Variants in INPP4A observed in about 807,000 individuals in gnomAD.
INPP4A encodes inositol polyphosphate-4-phosphatase type I A.
In INPP4A, 33 loss-of-function variants were observed where a neutral mutation model predicts 119.8. That is an observed-to-expected ratio of 0.28 (90% CI 0.21 to 0.37). The LOEUF is 0.37. Among genes scored for constraint, INPP4A ranks in the 10% least tolerant of loss-of-function variants. INPP4A has a pLI of 1.00. For missense variants in INPP4A, 956 were observed against 1,289.9 expected (o/e 0.74, Z 3.97); for synonymous variants, 496 against 500.7 (o/e 0.99, Z 0.12).
At chr2:98,531,688 A>G (rs969808273) in intron 4 of INPP4A, among the ~76,000 whole-genome samples, 1 of 152,216 alleles carries the variant, frequency 6.6e-6, no homozygotes, top group African/African-American at 2.4e-5. Flanking sequence ...TAGGCACAAT[A>G]TATTTAAAGG....
chr2:98,497,614 G>C (rs1471046812), intron 1 of INPP4A, among the ~76,000 whole-genome samples: 1 of 152,220 alleles, frequency 6.6e-6, no homozygotes, highest in African/African-American at 2.4e-5. Flanking sequence ...TTCTGCAGTT[G>C]AGTTGTTTGA....
intron 1 of INPP4A, among the ~76,000 whole-genome samples, chr2:98,459,450 G>A (rs114042289): frequency 3.3e-4 from 50 of 152,360 alleles, no homozygotes; most frequent in African/African-American, 1.2e-3. Flanking sequence ...ACCTGTGTCC[G>A]TGTTTGGGAG....
In INPP4A at chr2:98,559,416, T is replaced by C. The variant is rs186113916; in HGVS notation, c.1823-47T>C. 602 of 1,611,304 alleles carry C rather than the reference T, an allele frequency of 3.7e-4. 7 individuals carry two copies. In the East Asian group the frequency reaches 0.012, roughly 32 times the overall value. On this transcript the variant is annotated intron_variant, in intron 16 of 24. Coordinates refer to ENST00000409851, the MANE Select transcript of INPP4A (RefSeq NM_001134225.2). ...TGAGATTGAGTTGCTTGGTTTGAAC[T>C]GTGTGCTGCTCCTTAATCATCCATG...
intron 4 of INPP4A, among the ~76,000 whole-genome samples, chr2:98,522,312 G>T (rs1176181144): frequency 6.8e-6 from 1 of 147,278 alleles, no homozygotes; most frequent in African/African-American, 2.5e-5. Context: ...AAGAAAGAAA[G>T]AAATTATAAT....
chr2:98,545,182 G>A (rs1692253089), intron 11 of INPP4A, among the ~76,000 whole-genome samples: 1 of 152,142 alleles, frequency 6.6e-6, no homozygotes, highest in Non-Finnish European at 1.5e-5. Flanking sequence ...ACAGTAGCTG[G>A]TCTGTGATTC....
At chr2:98,453,410 T>TGGGAAG (rs1695556986) in intron 1 of INPP4A, among the ~76,000 whole-genome samples, 1 of 152,242 alleles carries the variant, frequency 6.6e-6, no homozygotes, top group Non-Finnish European at 1.5e-5. Flanking sequence ...CCAAGTACGT[T>TGGGAAG]TCCTATGGGA....
At chr2:98,479,110 G>T (rs997508208) in intron 1 of INPP4A, among the ~76,000 whole-genome samples, 6 of 152,132 alleles carry the variant, frequency 3.9e-5, no homozygotes, top group African/African-American at 1.2e-4. Context: ...CACACTTCCA[G>T]TTGCCCTAGA....
At chr2:98,467,307 C>T (rs985082581) in intron 1 of INPP4A, among the ~76,000 whole-genome samples, 1 of 152,208 alleles carries the variant, frequency 6.6e-6, no homozygotes, top group African/African-American at 2.4e-5. Context: ...TTCTGACATT[C>T]GGGATTAAAT....
At chr2:98,544,048 C>G in intron 11 of INPP4A, 41 bp downstream of exon 11, 5 of 1,288,848 alleles carry the variant, frequency 3.9e-6, no homozygotes, top group Non-Finnish European at 4.1e-6. Flanking sequence ...CGCGTGCGCA[C>G]ACACACACAC....
chr2:98,480,932 G>T (rs1678305316), intron 1 of INPP4A, among the ~76,000 whole-genome samples: 1 of 152,210 alleles, frequency 6.6e-6, no homozygotes, highest in African/African-American at 2.4e-5. Context: ...CCCCAGGAAG[G>T]AGTTGTGGTG....
chr2:98,510,175 G>C (rs747685636), intron 1 of INPP4A, among the ~76,000 whole-genome samples: 1 of 152,202 alleles, frequency 6.6e-6, no homozygotes, highest in Non-Finnish European at 1.5e-5. Flanking sequence ...AGTTGAAGTC[G>C]TACTTGTGGG....
chr2:98,520,597 G>C (rs1228624313), intron 3 of INPP4A, 90 bp from the exon 4 acceptor site: 1 of 780,320 alleles, frequency 1.3e-6, no homozygotes. Context: ...GTTGTTGTTG[G>C]GGGGAAGTAG....
intron 9 of INPP4A, 78 bp from the exon 10 acceptor site, chr2:98,539,450 G>A: frequency 6.7e-7 from 1 of 1,489,596 alleles, no homozygotes; most frequent in East Asian, 2.4e-5. Flanking sequence ...CATCCCTGAG[G>A]GCCGGGGGAG....
intron 1 of INPP4A, among the ~76,000 whole-genome samples, chr2:98,497,667 AG>A (rs1682292061): frequency 6.7e-6 from 1 of 148,196 alleles, no homozygotes; most frequent in South Asian, 2.2e-4. Context: ...TCTAATATGT[AG>A]TTTGCAAATA....
chr2:98,585,707 G>A (rs1434427342), intron 24 of INPP4A, among the ~76,000 whole-genome samples: 1 of 152,188 alleles, frequency 6.6e-6, no homozygotes, highest in Non-Finnish European at 1.5e-5. Context: ...AAACATCTGG[G>A]GGAAAGTAAA....
intron 1 of INPP4A, among the ~76,000 whole-genome samples, chr2:98,472,870 C>T (rs1474584822): frequency 6.6e-6 from 1 of 152,216 alleles, no homozygotes; most frequent in Admixed American, 6.5e-5. Context: ...CCATGAGGTG[C>T]TCTTTCCTGC....
At chr2:98,467,772 A>G (rs989395179) in intron 1 of INPP4A, among the ~76,000 whole-genome samples, 1 of 152,244 alleles carries the variant, frequency 6.6e-6, no homozygotes, top group Non-Finnish European at 1.5e-5. Context: ...TAAATTAGAA[A>G]AGGACAAATG....
Position 98,565,656 on chromosome 2 carries a change from G to A in INPP4A, c.2169G>A (p.Met723Ile). 1 of 1,609,672 alleles carries A rather than the reference G, an allele frequency of 6.2e-7. No individual in the cohort carries two copies. Among genetic ancestry groups the A allele is most frequent in the Non-Finnish European group, 8.5e-7 (1 of 1,176,528 alleles). Residue 723 changes from methionine to isoleucine, a missense_variant, in exon 20 of 25, where the codon ATG becomes ATA. By Grantham distance (10) the Met-to-Ile change is conservative (BLOSUM62 1). This residue lies in a region of INPP4A where 304 missense variants were observed against 492.1 expected (regional missense o/e 0.62). Transcript: ENST00000409851. ...LLSTYGEELA[M>I]LEDMSLGIMD... ...CATGTCCAGGGGAGGAGCTGGCAAT[G>A]CTGGAGGACATGAGCCTTGGGATCA...
At chr2:98,575,191 T>C (rs1277019696) in intron 23 of INPP4A, among the ~76,000 whole-genome samples, 1 of 152,244 alleles carries the variant, frequency 6.6e-6, no homozygotes, top group Non-Finnish European at 1.5e-5. Flanking sequence ...TAAGCCTATA[T>C]CTCATGGATG....
Sources: gnomAD v4.1 joint callset for allele counts (sites outside exome capture counted in the v4.1 genomes callset) on GRCh38, gnomAD v4.1.1 for gene constraint, gnomAD v4.1.1 regional missense constraint, MANE v1.5 for transcripts, NCBI Gene and HGNC (gene_info 2026-07-23, HGNC 2026-07-21) for gene names.